TANGO6: variants seen among roughly 807,000 people sequenced by gnomAD.
TANGO6 encodes transport and golgi organization 6 homolog, also known as transport and Golgi organization protein 6 homolog.
A neutral mutation model predicts 114.2 loss-of-function variants in TANGO6; 90 were observed. The observed-to-expected ratio is 0.79, with a 90% CI of 0.66 to 0.94. The LOEUF is 0.94. Among genes scored for constraint, TANGO6 ranks in the 40% least tolerant of loss-of-function variants. The pLI, the probability that TANGO6 is intolerant of heterozygous loss-of-function variation, is 0.00. For missense variants in TANGO6, 1,274 were observed against 1,315.3 expected (o/e 0.97, Z 0.49); for synonymous variants, 477 against 509.8 (o/e 0.94, Z 0.87).
intron 6 of TANGO6, 22 bp downstream of exon 6, chr16:68,878,302 C>G: frequency 6.4e-7 from 1 of 1,570,490 alleles, no homozygotes. Flanking sequence ...AGTGTGGTGG[C>G]TGTGTGTGCC....
chr16:69,064,021 G>A (rs1449602660), intron 17 of TANGO6, among the ~76,000 whole-genome samples: 2 of 151,914 alleles, frequency 1.3e-5, no homozygotes, highest in African/African-American at 4.8e-5. Flanking sequence ...GTTTTTAGCA[G>A]AGACGGGGTT....
At position 69,040,368 on chromosome 16, in the gene TANGO6, G is replaced by A. The variant is rs1204950781; in HGVS notation, c.3055G>A (p.Ala1019Thr). Residue 1019 changes from alanine to threonine, a missense_variant, in exon 17 of 18, where the codon GCC (alanine) becomes ACC (threonine). This residue lies in a region of TANGO6 where 238 missense variants were observed against 252.9 expected (regional missense o/e 0.94). Transcript: ENST00000261778. ...TDGEVQVRRA[A>T]IHVVVLLLRG... ...TGGTGAAGTTCAAGTACGCAGAGCT[G>A]CCATACATGTGGTTGTGCTGCTGCT... 1 of 1,609,588 alleles carries A rather than the reference G, an allele frequency of 6.2e-7. No individual in the cohort carries two copies. The highest frequency in any genetic ancestry group is 1.1e-5 in the South Asian group (1 of 89,622).
intron 17 of TANGO6, among the ~76,000 whole-genome samples, chr16:69,056,422 G>A (rs957707364): frequency 2.6e-5 from 4 of 152,168 alleles, no homozygotes; most frequent in Non-Finnish European, 5.9e-5. Context: ...ATATTTCACA[G>A]AAATGTCCCT....
intron 15 of TANGO6, among the ~76,000 whole-genome samples, chr16:69,003,254 AC>A: frequency 6.6e-6 from 1 of 152,206 alleles, no homozygotes; most frequent in South Asian, 2.1e-4. Context: ...CTAGAATCAC[AC>A]CTAAGGTAGC....
intron 15 of TANGO6, among the ~76,000 whole-genome samples, chr16:68,983,297 A>C (rs1229562084): frequency 6.6e-6 from 1 of 152,116 alleles, no homozygotes; most frequent in Non-Finnish European, 1.5e-5. Flanking sequence ...GTTTTTGTCA[A>C]TTTCTAAGTC....
At chr16:69,019,778 TC>T (rs777791408) in intron 15 of TANGO6, among the ~76,000 whole-genome samples, 22 of 152,152 alleles carry the variant, frequency 1.4e-4, no homozygotes, top group Non-Finnish European at 3.1e-4. Flanking sequence ...GCTCAAGCAA[TC>T]CTCCCGCCTC....
intron 3 of TANGO6, among the ~76,000 whole-genome samples, chr16:68,864,381 G>A (rs1962145822): frequency 2.0e-5 from 3 of 151,908 alleles, no homozygotes; most frequent in Admixed American, 6.6e-5. Context: ...TGAGGCCAAC[G>A]TGGGCAACAT....
At chr16:69,070,632 CA>C (rs576612652) in intron 17 of TANGO6, among the ~76,000 whole-genome samples, 87 of 87,060 alleles carry the variant, frequency 1.0e-3, no homozygotes, top group Middle Eastern at 6.9e-3. Context: ...GACTCCATCT[CA>C]AAAAAAAAAA....
chr16:69,057,794 C>T (rs763128720), intron 17 of TANGO6, among the ~76,000 whole-genome samples: 4 of 152,138 alleles, frequency 2.6e-5, no homozygotes, highest in African/African-American at 9.7e-5. Flanking sequence ...GTTTCCTGAC[C>T]TCCCGGGACC....
At chr16:68,849,971 C>CTTT (rs560571416) in intron 1 of TANGO6, among the ~76,000 whole-genome samples, 54 of 114,830 alleles carry the variant, frequency 4.7e-4, no homozygotes, top group African/African-American at 5.8e-4. Context: ...TCTAGCGGTT[C>CTTT]TTTTTTTTTT....
At chr16:68,925,377 G>C (rs1044224487) in intron 12 of TANGO6, among the ~76,000 whole-genome samples, 7 of 152,116 alleles carry the variant, frequency 4.6e-5, no homozygotes, top group Non-Finnish European at 1.0e-4. Context: ...ATGCTTATTT[G>C]CCATCTGTAT....
In TANGO6 at chr16:68,900,547, G is replaced by A; in HGVS notation, c.1490+1G>A. 6.2e-7 allele frequency: 1 copy of A among 1,606,218 alleles called. No homozygotes were observed. Among genetic ancestry groups the A allele is most frequent in the African/African-American group, 1.3e-5 (1 of 74,808 alleles). On this transcript the variant is annotated splice_donor_variant, in intron 8 of 17. Transcript: ENST00000261778. LOFTEE classifies it high-confidence loss of function. ...CTAAGCAGAGTGTGTCTCACATAAGGTAAACAATCAAGGGACCCTTATTTG... is the reference window on the plus strand; with the variant it reads ...CTAAGCAGAGTGTGTCTCACATAAGATAAACAATCAAGGGACCCTTATTTG...
intron 14 of TANGO6, chr16:68,933,699 T>A (rs1963270191): frequency 6.6e-6 from 1 of 152,192 alleles, no homozygotes; most frequent in Admixed American, 6.5e-5. Context: ...GGAGCAGACA[T>A]CCTATCATTC....
In TANGO6 at chr16:68,927,940, G is replaced by GT; in HGVS notation, c.2501dup (p.Thr835AsnfsTer14). 1 of 1,613,856 alleles carries GT rather than the reference G, an allele frequency of 6.2e-7. No individual in the cohort carries two copies. Among genetic ancestry groups the GT allele is most frequent in the Non-Finnish European group, 8.5e-7 (1 of 1,179,834 alleles). ...TACTACAAGTCAGAAATCTGGAAGC[G>GT]TAACCACAGAACAGCTCCAAGAGGT... On this transcript the variant is annotated frameshift_variant, in exon 13 of 18. Transcript: ENST00000261778. LOFTEE classifies it high-confidence loss of function.
At chr16:68,973,321 C>T (rs1195156832) in intron 14 of TANGO6, among the ~76,000 whole-genome samples, 3 of 151,830 alleles carry the variant, frequency 2.0e-5, no homozygotes, top group Admixed American at 6.6e-5. Flanking sequence ...TTTTCCTGTT[C>T]TCTGCTAAAG....
At chr16:68,973,853 G>A in intron 14 of TANGO6, 175 bp from the exon 15 acceptor site, 1 of 656,778 alleles carries the variant, frequency 1.5e-6, no homozygotes, top group South Asian at 1.9e-5. Flanking sequence ...CAACTACCAG[G>A]CCCATCTTCG....
chr16:68,928,797 T>C (rs1308539928), intron 13 of TANGO6, among the ~76,000 whole-genome samples: 1 of 152,200 alleles, frequency 6.6e-6, no homozygotes. Flanking sequence ...GCTTCAACAC[T>C]GTGACCCAGC....
At chr16:68,979,528 C>T (rs1963802674) in intron 15 of TANGO6, among the ~76,000 whole-genome samples, 1 of 152,106 alleles carries the variant, frequency 6.6e-6, no homozygotes, top group Admixed American at 6.5e-5. Flanking sequence ...CTGCGCCGGG[C>T]CCAGGAATAT....
chr16:68,964,870 T>C (rs1963629774), intron 14 of TANGO6, among the ~76,000 whole-genome samples: 1 of 152,112 alleles, frequency 6.6e-6, no homozygotes, highest in African/African-American at 2.4e-5. Flanking sequence ...CACCTGCCCT[T>C]ATTCATTTTT....
Sources: allele counts gnomAD v4.1 joint callset (sites outside exome capture counted in the v4.1 genomes callset), GRCh38; gene constraint gnomAD v4.1.1; regional missense constraint gnomAD v4.1.1; transcripts MANE v1.5; gene names NCBI Gene and HGNC (gene_info 2026-07-23, HGNC 2026-07-21).